Variants in ATP8A2 observed in about 807,000 individuals in gnomAD.
ATP8A2 encodes the protein phospholipid-transporting ATPase IB.
A neutral mutation model predicts 165.6 loss-of-function variants in ATP8A2; 100 were observed. That is an observed-to-expected ratio of 0.60 (90% CI 0.51 to 0.71). The LOEUF is 0.71. Ranked by LOEUF, ATP8A2 falls within the 30% of genes least tolerant of loss-of-function variation. The pLI, the probability that ATP8A2 is intolerant of heterozygous loss-of-function variation, is 0.00. For synonymous variants in ATP8A2, 543 were observed against 548.8 expected (o/e 0.99, Z 0.15); for missense variants, 1,227 against 1,479.5 (o/e 0.83, Z 2.80).
At chr13:25,917,817 C>T (rs1954313457) in intron 33 of ATP8A2, among the ~76,000 whole-genome samples, 1 of 152,114 alleles carries the variant, frequency 6.6e-6, no homozygotes, top group South Asian at 2.1e-4. Flanking sequence ...TGTTTTTTCC[C>T]AGCAAGTATA....
At chr13:25,484,659 C>G (rs754625691) in intron 2 of ATP8A2, among the ~76,000 whole-genome samples, 1 of 152,022 alleles carries the variant, frequency 6.6e-6, no homozygotes, top group Non-Finnish European at 1.5e-5. Context: ...GGACTACAGG[C>G]GTTCACCAGC....
At chr13:25,596,898 G>A (rs192163278) in intron 24 of ATP8A2, among the ~76,000 whole-genome samples, 44 of 152,116 alleles carry the variant, frequency 2.9e-4, no homozygotes, top group Non-Finnish European at 4.3e-4. Context: ...TCATTTTTGC[G>A]TATCTTCACC....
intron 33 of ATP8A2, among the ~76,000 whole-genome samples, chr13:25,931,543 C>G (rs1954769219): frequency 6.6e-6 from 1 of 152,178 alleles, no homozygotes; most frequent in African/African-American, 2.4e-5. Flanking sequence ...CTGACGAGTG[C>G]AGAACCTTGT....
At chr13:25,402,146 C>T (rs1396712703) in intron 1 of ATP8A2, among the ~76,000 whole-genome samples, 2 of 152,078 alleles carry the variant, frequency 1.3e-5, no homozygotes, top group South Asian at 2.1e-4. Flanking sequence ...ATCGTGAATT[C>T]GCTGGATAAG....
At chr13:25,580,453 T>C (rs1362975241) in intron 22 of ATP8A2, among the ~76,000 whole-genome samples, 1 of 152,210 alleles carries the variant, frequency 6.6e-6, no homozygotes, top group Non-Finnish European at 1.5e-5. Flanking sequence ...TTCCTTCAAG[T>C]GTGGGAGCTG....
intron 35 of ATP8A2, among the ~76,000 whole-genome samples, chr13:26,010,559 T>C (rs1045784237): frequency 6.6e-6 from 1 of 152,208 alleles, no homozygotes; most frequent in African/African-American, 2.4e-5. Context: ...GGGCACGTGT[T>C]GGACAGGGAG....
chr13:25,627,297 A>G (rs1338175706), intron 24 of ATP8A2, among the ~76,000 whole-genome samples: 1 of 152,166 alleles, frequency 6.6e-6, no homozygotes, highest in African/African-American at 2.4e-5. Context: ...AGGAAAGACC[A>G]TGCCATGCAG....
intron 24 of ATP8A2, among the ~76,000 whole-genome samples, chr13:25,684,285 C>T (rs2042556327): frequency 6.6e-6 from 1 of 152,198 alleles, no homozygotes; most frequent in Non-Finnish European, 1.5e-5. Flanking sequence ...TATTTTTGCT[C>T]CTGCGTTTCC....
chr13:25,495,940 T>C (rs1035390286), intron 2 of ATP8A2, among the ~76,000 whole-genome samples: 2 of 152,112 alleles, frequency 1.3e-5, no homozygotes, highest in African/African-American at 2.4e-5. Flanking sequence ...TTCTTGCTCA[T>C]CTTTATACAG....
intron 30 of ATP8A2, among the ~76,000 whole-genome samples, chr13:25,845,946 C>T (rs1408508895): frequency 2.6e-5 from 4 of 152,186 alleles, no homozygotes; most frequent in African/African-American, 9.7e-5. Context: ...GAGGCCGAGG[C>T]AGGCAGATCA....
At chr13:25,862,982 A>G (rs1158306539) in intron 33 of ATP8A2, among the ~76,000 whole-genome samples, 2 of 152,188 alleles carry the variant, frequency 1.3e-5, no homozygotes, top group Non-Finnish European at 2.9e-5. Flanking sequence ...TGTCCAGTGC[A>G]TAAGATTGAG....
intron 2 of ATP8A2, among the ~76,000 whole-genome samples, chr13:25,524,618 G>A (rs781069674): frequency 9.9e-5 from 15 of 151,964 alleles, no homozygotes; most frequent in African/African-American, 2.2e-4. Context: ...CTTGTAGTCC[G>A]TTTTGTGTAT....
At chr13:25,402,779 G>A (rs545319722) in intron 1 of ATP8A2, among the ~76,000 whole-genome samples, 1 of 152,294 alleles carries the variant, frequency 6.6e-6, no homozygotes, top group South Asian at 2.1e-4. Flanking sequence ...CAGCAAGTTT[G>A]CCCTGTCTTA....
intron 25 of ATP8A2, among the ~76,000 whole-genome samples, chr13:25,752,198 C>T (rs1200273484): frequency 6.6e-6 from 1 of 152,050 alleles, no homozygotes; most frequent in South Asian, 2.1e-4. Context: ...CAGTGGCTCA[C>T]GCCTGTAATC....
intron 1 of ATP8A2, among the ~76,000 whole-genome samples, chr13:25,451,409 A>T (rs181942440): frequency 6.6e-6 from 1 of 152,022 alleles, no homozygotes; most frequent in Non-Finnish European, 1.5e-5. Flanking sequence ...TCTCTTGGGG[A>T]TTGCTTTTCT....
intron 4 of ATP8A2, among the ~76,000 whole-genome samples, chr13:25,531,441 A>ATGAT (rs1353712236): frequency 8.6e-5 from 4 of 46,528 alleles, no homozygotes; most frequent in South Asian, 4.5e-4. Flanking sequence ...GATTATATAT[A>ATGAT]TGATTATATA....
At chr13:25,956,533 GA>G (rs1006651052) in intron 33 of ATP8A2, among the ~76,000 whole-genome samples, 1 of 152,032 alleles carries the variant, frequency 6.6e-6, no homozygotes, top group Non-Finnish European at 1.5e-5. Flanking sequence ...GCTACAAAGA[GA>G]ATAAAATACC....
chr13:25,504,005 T>C (rs575204734), intron 2 of ATP8A2, among the ~76,000 whole-genome samples: 2 of 152,226 alleles, frequency 1.3e-5, no homozygotes, highest in Non-Finnish European at 2.9e-5. Context: ...ATTCTATGTC[T>C]GAACTCCTCG....
intron 35 of ATP8A2, among the ~76,000 whole-genome samples, chr13:26,005,760 T>C (rs1260680588): frequency 1.3e-5 from 2 of 152,078 alleles, no homozygotes; most frequent in African/African-American, 4.8e-5. Flanking sequence ...CACCATTTGC[T>C]GGAGAGATTA....
Sources: gnomAD v4.1 joint callset for allele counts (sites outside exome capture counted in the v4.1 genomes callset) on GRCh38, gnomAD v4.1.1 for gene constraint, MANE v1.5 for transcripts, NCBI Gene and HGNC (gene_info 2026-07-23, HGNC 2026-07-21) for gene names.